Variants in RANBP17 observed in about 807,000 individuals in gnomAD.
RANBP17 encodes the protein RAN binding protein 17.
In RANBP17, 158 loss-of-function variants were observed where a neutral mutation model predicts 141.2. The observed-to-expected ratio is 1.12, with a 90% CI of 0.98 to 1.28. The LOEUF is 1.28. Ranked by LOEUF, RANBP17 falls within the 50% of genes most tolerant of loss-of-function variation. RANBP17 has a pLI of 0.00. For missense variants in RANBP17, 1,438 were observed against 1,290.7 expected, an observed-to-expected ratio of 1.11 and a Z score of -1.75; for synonymous variants, 430 against 450.0, an observed-to-expected ratio of 0.96 and a Z score of 0.56.
intron 25 of RANBP17, among the ~76,000 whole-genome samples, chr5:171,282,359 G>A (rs1245085717): frequency 6.6e-6 from 1 of 152,144 alleles, no homozygotes; most frequent in African/African-American, 2.4e-5. Context: ...AGTAAGATAG[G>A]ACCCAAGAAG....
At chr5:170,961,197 T>G (rs995855287) in intron 13 of RANBP17, among the ~76,000 whole-genome samples, 5 of 151,238 alleles carry the variant, frequency 3.3e-5, no homozygotes, top group South Asian at 2.1e-4. Context: ...CTTGATAGAT[T>G]ATAGATTTCT....
intron 14 of RANBP17, among the ~76,000 whole-genome samples, chr5:171,125,514 T>C (rs1279287977): frequency 2.0e-5 from 3 of 151,918 alleles, no homozygotes; most frequent in African/African-American, 7.3e-5. Flanking sequence ...CACTGAGATA[T>C]ATACAGCAAA....
intron 14 of RANBP17, among the ~76,000 whole-genome samples, chr5:171,059,438 T>C (rs1783653022): frequency 6.6e-6 from 1 of 152,112 alleles, no homozygotes; most frequent in Admixed American, 6.5e-5. Context: ...CCCCATTGCT[T>C]GTTTTTCTCA....
At chr5:171,178,170 A>AC (rs797021895) in intron 16 of RANBP17, among the ~76,000 whole-genome samples, 6 of 36,096 alleles carry the variant, frequency 1.7e-4, no homozygotes, top group African/African-American at 5.1e-4. Flanking sequence ...TCCCTCCCCT[A>AC]CCCCCCCACC....
chr5:170,867,751 T>C (rs896283069), intron 1 of RANBP17, among the ~76,000 whole-genome samples: 6 of 152,226 alleles, frequency 3.9e-5, no homozygotes, highest in Non-Finnish European at 7.3e-5. Flanking sequence ...TCAGCTTTAC[T>C]GAAGTACAAT....
intron 14 of RANBP17, among the ~76,000 whole-genome samples, chr5:171,005,598 A>G (rs1041667145): frequency 2.0e-5 from 3 of 152,214 alleles, no homozygotes; most frequent in African/African-American, 7.2e-5. Flanking sequence ...TTAATTCAAG[A>G]TGGATTAAAG....
At chr5:170,869,681 C>CT in intron 1 of RANBP17, among the ~76,000 whole-genome samples, 1 of 152,230 alleles carries the variant, frequency 6.6e-6, no homozygotes, top group South Asian at 2.1e-4. Flanking sequence ...AATCTCCCTC[C>CT]TTTCTCTTAT....
At chr5:171,114,370 C>G (rs191331095) in intron 14 of RANBP17, among the ~76,000 whole-genome samples, 2 of 152,148 alleles carry the variant, frequency 1.3e-5, no homozygotes, top group East Asian at 3.9e-4. Context: ...ATACTTGAGA[C>G]CTTTGTATAT....
chr5:170,950,055 T>TA (rs1462481350), intron 12 of RANBP17, among the ~76,000 whole-genome samples: 2 of 152,082 alleles, frequency 1.3e-5, no homozygotes, highest in Non-Finnish European at 2.9e-5. Context: ...TGTGGAAGAA[T>TA]AAAACTGGAC....
At chr5:171,282,001 G>C (rs1046667326) in intron 25 of RANBP17, among the ~76,000 whole-genome samples, 1 of 152,164 alleles carries the variant, frequency 6.6e-6, no homozygotes, top group Non-Finnish European at 1.5e-5. Flanking sequence ...AAATCTGGAG[G>C]AAAGAAACTC....
chr5:171,171,522 T>A (rs1344129354), intron 16 of RANBP17, among the ~76,000 whole-genome samples: 5 of 152,026 alleles, frequency 3.3e-5, no homozygotes, highest in African/African-American at 1.2e-4. Flanking sequence ...TCCTAAGTAG[T>A]TACAGTTATA....
chr5:171,252,451 C>G, intron 24 of RANBP17: 6 of 1,498,432 alleles, frequency 4.0e-6, no homozygotes, highest in African/African-American at 1.4e-5. Context: ...ATCAATTACT[C>G]ACTGCTTAAG....
chr5:171,046,004 A>G (rs2127642726), intron 14 of RANBP17, among the ~76,000 whole-genome samples: 1 of 152,204 alleles, frequency 6.6e-6, no homozygotes, highest in East Asian at 1.9e-4. Flanking sequence ...TTCACTCAGC[A>G]CAATTCCTTT....
At chr5:171,005,615 A>G (rs1779543313) in intron 14 of RANBP17, among the ~76,000 whole-genome samples, 1 of 152,224 alleles carries the variant, frequency 6.6e-6, no homozygotes, top group African/African-American at 2.4e-5. Flanking sequence ...AAAGACTTAC[A>G]TGTTAGACCT....
intron 14 of RANBP17, among the ~76,000 whole-genome samples, chr5:171,009,082 CAG>C (rs150890305): frequency 0.015 from 2,326 of 152,276 alleles, 51 homozygotes; most frequent in African/African-American, 0.052. Flanking sequence ...ATGAGGAAGA[CAG>C]AGTCAAGAGA....
At chr5:171,032,603 CAT>C (rs1781619186) in intron 14 of RANBP17, among the ~76,000 whole-genome samples, 2 of 152,030 alleles carry the variant, frequency 1.3e-5, no homozygotes, top group Non-Finnish European at 2.9e-5. Flanking sequence ...TTGTTAGTAA[CAT>C]GTGCATGACT....
chr5:170,953,250 T>C (rs958032236), intron 12 of RANBP17, among the ~76,000 whole-genome samples: 2 of 152,116 alleles, frequency 1.3e-5, no homozygotes, highest in African/African-American at 4.8e-5. Context: ...TGTTTTGTAC[T>C]CAAATTTATT....
chr5:171,202,471 C>T (rs1347755227), intron 19 of RANBP17, among the ~76,000 whole-genome samples: 1 of 152,108 alleles, frequency 6.6e-6, no homozygotes, highest in Non-Finnish European at 1.5e-5. Flanking sequence ...GTAAAAACTC[C>T]ACAATGTTAA....
chr5:171,184,071 G>T (rs888840057), intron 18 of RANBP17, among the ~76,000 whole-genome samples: 4 of 152,138 alleles, frequency 2.6e-5, no homozygotes, highest in Non-Finnish European at 5.9e-5. Context: ...CAGTGTAGAG[G>T]ATCCTCAGAA....
Sources: allele counts gnomAD v4.1 joint callset (sites outside exome capture counted in the v4.1 genomes callset), GRCh38; gene constraint gnomAD v4.1.1; transcripts MANE v1.5; gene names NCBI Gene and HGNC (gene_info 2026-07-23, HGNC 2026-07-21).